The following CFAP58 variants were observed in gnomAD, a reference collection of about 807,000 sequenced individuals.
CFAP58 encodes the protein cilia and flagella associated protein 58, also known as cilia- and flagella-associated protein 58.
A neutral mutation model predicts 119.5 loss-of-function variants in CFAP58; 88 were observed. The ratio of observed to expected loss-of-function variants is 0.74; its 90% CI spans 0.62 to 0.88. CFAP58 has a LOEUF of 0.88. Among genes scored for constraint, CFAP58 ranks in the 40% least tolerant of loss-of-function variants. The pLI, the probability that CFAP58 is intolerant of heterozygous loss-of-function variation, is 0.00. For missense variants in CFAP58, 990 were observed against 1,021.2 expected (o/e 0.97, Z 0.42); for synonymous variants, 365 against 366.3 (o/e 1.00, Z 0.04).
intron 15 of CFAP58, among the ~76,000 whole-genome samples, chr10:104,445,401 C>T (rs1287244264): frequency 2.0e-5 from 3 of 151,630 alleles, no homozygotes; most frequent in Admixed American, 1.3e-4. Context: ...TTGGAAGTGA[C>T]GAAGAAGACA....
intron 9 of CFAP58, among the ~76,000 whole-genome samples, chr10:104,387,761 G>T (rs2011953321): frequency 6.6e-6 from 1 of 152,140 alleles, no homozygotes; most frequent in South Asian, 2.1e-4. Context: ...TTCACATGAT[G>T]CACTTGCCTC....
At chr10:104,369,672 A>C (rs2135259730) in intron 6 of CFAP58, among the ~76,000 whole-genome samples, 2 of 152,328 alleles carry the variant, frequency 1.3e-5, no homozygotes, top group East Asian at 3.9e-4. Context: ...TCCCTTGATA[A>C]TATGAATGGG....
At chr10:104,416,201 G>A (rs752140568) in intron 15 of CFAP58, among the ~76,000 whole-genome samples, 7 of 152,182 alleles carry the variant, frequency 4.6e-5, no homozygotes, top group East Asian at 1.9e-4. Flanking sequence ...GGTTAATTAC[G>A]TTCGGGGGGT....
intron 11 of CFAP58, among the ~76,000 whole-genome samples, chr10:104,396,369 T>TGAGA (rs57210958): frequency 4.5e-4 from 39 of 86,846 alleles, no homozygotes; most frequent in South Asian, 1.9e-3. Context: ...CTGTTATCCA[T>TGAGA]GAGAGAGAGA....
At chr10:104,445,334 AAAC>A (rs1415058821) in intron 15 of CFAP58, among the ~76,000 whole-genome samples, 13 of 150,872 alleles carry the variant, frequency 8.6e-5, no homozygotes, top group Non-Finnish European at 1.6e-4. Flanking sequence ...AAAAAAAAAA[AAAC>A]AACAACAACA....
chr10:104,410,532 A>T (rs1209711915), intron 15 of CFAP58, among the ~76,000 whole-genome samples: 1 of 152,186 alleles, frequency 6.6e-6, no homozygotes, highest in Non-Finnish European at 1.5e-5. Flanking sequence ...TTCTATTAGC[A>T]CTTTGAAGAT....
chr10:104,393,180 T>C, intron 10 of CFAP58, 149 bp from the exon 11 acceptor site: 1 of 698,384 alleles, frequency 1.4e-6, no homozygotes, highest in South Asian at 2.3e-5. Flanking sequence ...CGATGGGCAC[T>C]AGAGACAAAG....
At chr10:104,352,400 A>G (rs868760326), upstream of CFAP58, among the ~76,000 whole-genome samples, 5 of 152,170 alleles carry the variant, frequency 3.3e-5, no homozygotes, top group Middle Eastern at 3.2e-3. Flanking sequence ...TGAGTTTGAA[A>G]ATATCACACC....
chr10:104,397,878 C>A (rs926052997), intron 11 of CFAP58, among the ~76,000 whole-genome samples: 7 of 152,216 alleles, frequency 4.6e-5, no homozygotes, highest in Admixed American at 2.0e-4. Flanking sequence ...TCCCCCACTG[C>A]ATGCCCTATA....
intron 13 of CFAP58, among the ~76,000 whole-genome samples, chr10:104,403,511 C>A (rs964406156): frequency 6.0e-5 from 8 of 133,140 alleles, no homozygotes; most frequent in Non-Finnish European, 3.2e-5. Context: ...AGCCCTGGCA[C>A]TTTTTTTTTT....
intron 15 of CFAP58, among the ~76,000 whole-genome samples, chr10:104,422,446 G>A (rs760285580): frequency 3.3e-5 from 5 of 152,136 alleles, no homozygotes; most frequent in Non-Finnish European, 5.9e-5. Context: ...CCACAACTTC[G>A]TGGCTTAGAA....
chr10:104,441,968 A>G (rs1055423144), intron 15 of CFAP58, among the ~76,000 whole-genome samples: 4 of 152,242 alleles, frequency 2.6e-5, no homozygotes, highest in Non-Finnish European at 4.4e-5. Context: ...CTAGATAGAA[A>G]TGTAATATGT....
At chr10:104,453,157 G>A (rs1478206330) in intron 17 of CFAP58, among the ~76,000 whole-genome samples, 2 of 152,152 alleles carry the variant, frequency 1.3e-5, no homozygotes, top group African/African-American at 4.8e-5. Flanking sequence ...AGGTGAGAGA[G>A]GGCAGGGGGA....
chr10:104,371,238 TCTTACCTTAAACA>T (rs2014820030), intron 7 of CFAP58, among the ~76,000 whole-genome samples, 184 bp downstream of exon 7: 1 of 152,112 alleles, frequency 6.6e-6, no homozygotes, highest in East Asian at 1.9e-4. Flanking sequence ...CACCTTAAAC[TCTTACCTTAAACA>T]ATTCTTCCAC....
At chr10:104,341,598 C>A in the CFAP58 span, among the ~76,000 whole-genome samples, 1 of 150,764 alleles carries the variant, frequency 6.6e-6, no homozygotes, top group Non-Finnish European at 1.5e-5. Context: ...ATATATCAGT[C>A]AAAAATCTAA....
rs11192059 is a variant in CFAP58 at position 104,442,514 on chromosome 10, C to A, written c.2257-5184C>A. On this transcript the variant is annotated intron_variant, in intron 15 of 17. Transcript: ENST00000369704. ...GAGGCAGGATAATCTCTTGAACCCG[C>A]GAGGTGGAGGTTGCAGTGAGCCGAG... is the stretch of plus-strand genomic sequence containing the variant. Among the ~76,000 whole-genome samples the A allele has an allele frequency of 7.4e-5, 11 of 148,338 alleles. No individual in the cohort carries two copies. In the East Asian group the frequency reaches 2.0e-3, roughly 27 times the overall value.
intron 9 of CFAP58, chr10:104,382,334 G>A: frequency 3.5e-6 from 2 of 573,348 alleles, no homozygotes; most frequent in Non-Finnish European, 3.2e-6. Flanking sequence ...GGGTGAGGCA[G>A]CAAATATATT....
chr10:104,397,446 A>C (rs1426243630), intron 11 of CFAP58, among the ~76,000 whole-genome samples: 2 of 152,224 alleles, frequency 1.3e-5, no homozygotes, highest in Non-Finnish European at 2.9e-5. Context: ...CATCTGTTAC[A>C]AGGTACACAG....
At position 104,371,069 on chromosome 10, in the gene CFAP58, G is replaced by A. The variant is rs144244919; in HGVS notation, c.1090+15G>A. 1,530 of 1,588,742 alleles carry A rather than the reference G, an allele frequency of 9.6e-4. 8 individuals are homozygous for A. Among genetic ancestry groups the A allele is most frequent in the South Asian group, 5.8e-3 (507 of 86,694 alleles). The stretch of plus-strand genomic sequence containing the variant: ...ATTAGAGAGAGGTAAACCATTTTGC[G>A]CTTTTATTCATTTAGAAACATTTTA... On this transcript the variant is annotated intron_variant, in intron 7 of 17. Coordinates refer to ENST00000369704, the MANE Select transcript of CFAP58 (RefSeq NM_001008723.2).
Sources: allele counts gnomAD v4.1 joint callset (sites outside exome capture counted in the v4.1 genomes callset), GRCh38; gene constraint gnomAD v4.1.1; transcripts MANE v1.5; gene names NCBI Gene and HGNC (gene_info 2026-07-23, HGNC 2026-07-21).